The following UGT1A10 variants were observed in gnomAD, a reference collection of about 807,000 sequenced individuals.
UGT1A10 encodes the protein UDP glucuronosyltransferase family 1 member A10.
In UGT1A10, 49 loss-of-function variants were observed where a neutral mutation model predicts 45.8. That is an observed-to-expected ratio of 1.07 (90% confidence interval 0.85 to 1.36). The LOEUF (loss-of-function observed/expected upper bound fraction) is 1.36. Among genes scored for constraint, UGT1A10 ranks in the 40% most tolerant of loss-of-function variants. The probability of loss-of-function intolerance (pLI) is 0.00; values close to 1 mark genes in which losing one functional copy is unlikely to be tolerated. For missense variants in UGT1A10, 745 were observed against 668.6 expected, an observed-to-expected ratio of 1.11 and a Z score of -1.26; for synonymous variants, 284 against 249.7, an observed-to-expected ratio of 1.14 and a Z score of -1.29.
chr2:233,760,861 T>A, intron 1 of UGT1A10: 1 of 1,614,158 alleles, frequency 6.2e-7, no homozygotes, highest in Non-Finnish European at 8.5e-7. Flanking sequence ...CCCATTCTCC[T>A]ACGTGCCCAG....
chr2:233,710,692 G>A (rs976331221), intron 1 of UGT1A10, among the ~76,000 whole-genome samples: 1 of 152,100 alleles, frequency 6.6e-6, no homozygotes, highest in Non-Finnish European at 1.5e-5. Flanking sequence ...TTTACTTCTG[G>A]TGTGTGGTGT....
At chr2:233,757,935 C>T (rs12052787) in intron 1 of UGT1A10, among the ~76,000 whole-genome samples, 10,310 of 152,142 alleles carry the variant, frequency 0.068, 485 homozygotes, top group East Asian at 0.2. Flanking sequence ...CAAAGCAAGA[C>T]CATCATATTG....
At chr2:233,690,632 T>C (rs971639423) in intron 1 of UGT1A10, 1 of 1,287,656 alleles carries the variant, frequency 7.8e-7, no homozygotes, top group Non-Finnish European at 1.0e-6. Context: ...AAGTGATACC[T>C]GAGGACACCT....
intron 1 of UGT1A10, among the ~76,000 whole-genome samples, chr2:233,640,099 A>G (rs2073412468): frequency 6.6e-6 from 1 of 152,312 alleles, no homozygotes; most frequent in Non-Finnish European, 1.5e-5. Flanking sequence ...TTGCTCTAAG[A>G]TTCTGGCTAT....
At chr2:233,713,725 T>C in intron 1 of UGT1A10, 1 of 1,613,928 alleles carries the variant, frequency 6.2e-7, no homozygotes, top group Non-Finnish European at 8.5e-7. Context: ...GAGGTGTCAG[T>C]GGTGGATCTT....
rs977072941 is a variant in UGT1A10, at chr2:233,679,319, A to T, written c.855+41942A>T. 3.9e-5 allele frequency among the ~76,000 whole-genome samples: 6 copies of T among 152,242 alleles called. No homozygotes were observed. The East Asian group carries it at 1.2e-3, about 29-fold the overall frequency. On this transcript the variant is annotated intron_variant, in intron 1 of 4. Coordinates refer to ENST00000344644, the MANE Select transcript of UGT1A10 (RefSeq NM_019075.4). Reference sequence around the variant, plus strand: ...AAGCCTTGATGGAACCAATCCAGAAAACGCGTTCTTATTGTTGAGTCCTTC... The same window carrying T: ...AAGCCTTGATGGAACCAATCCAGAATACGCGTTCTTATTGTTGAGTCCTTC...
intron 1 of UGT1A10, among the ~76,000 whole-genome samples, chr2:233,667,197 T>C (rs1417183023): frequency 2.0e-5 from 3 of 152,310 alleles, no homozygotes; most frequent in East Asian, 1.9e-4. Context: ...ATAGTATTTC[T>C]AGTTCTAGAT....
intron 1 of UGT1A10, among the ~76,000 whole-genome samples, chr2:233,663,616 C>A (rs1029775665): frequency 7.2e-5 from 11 of 152,122 alleles, no homozygotes; most frequent in Admixed American, 5.9e-4. Flanking sequence ...AATCTTGTGG[C>A]TAATGCTAGT....
intron 1 of UGT1A10, among the ~76,000 whole-genome samples, chr2:233,744,672 T>G (rs778668144): frequency 6.6e-6 from 1 of 151,884 alleles, no homozygotes; most frequent in Non-Finnish European, 1.5e-5. Context: ...ATATTACACA[T>G]CACCCATGTA....
At chr2:233,712,692 T>A (rs1221158170) in intron 1 of UGT1A10, among the ~76,000 whole-genome samples, 1 of 152,126 alleles carries the variant, frequency 6.6e-6, no homozygotes, top group Non-Finnish European at 1.5e-5. Context: ...AAATGGGGGT[T>A]CACAGCCTTG....
intron 1 of UGT1A10, among the ~76,000 whole-genome samples, chr2:233,689,485 C>A (rs78706067): frequency 0.049 from 7,432 of 152,218 alleles, 277 homozygotes; most frequent in African/African-American, 0.097. Flanking sequence ...AAGAAGAAAT[C>A]GCAAATCAAT....
At chr2:233,729,228 GC>G in intron 1 of UGT1A10, 1 of 1,614,164 alleles carries the variant, frequency 6.2e-7, no homozygotes, top group African/African-American at 1.3e-5. Flanking sequence ...TGTTGGTGGT[GC>G]CCATTGATGG....
intron 1 of UGT1A10, among the ~76,000 whole-genome samples, chr2:233,714,790 A>G (rs2076412745): frequency 6.6e-6 from 1 of 152,236 alleles, no homozygotes; most frequent in Non-Finnish European, 1.5e-5. Flanking sequence ...GCCACATTTC[A>G]AGTGCTCAAT....
intron 1 of UGT1A10, among the ~76,000 whole-genome samples, chr2:233,694,572 A>G (rs1254227548): frequency 6.6e-6 from 1 of 152,230 alleles, no homozygotes; most frequent in Non-Finnish European, 1.5e-5. Flanking sequence ...TTAAATTTCA[A>G]TGTAAATATT....
intron 1 of UGT1A10, chr2:233,691,365 G>A (rs2075039933): frequency 1.0e-6 from 1 of 985,548 alleles, no homozygotes; most frequent in African/African-American, 1.7e-5. Flanking sequence ...CAATGAATTT[G>A]CATCCTGGTT....
Position 233,772,359 on chromosome 2 carries a change from C to T in UGT1A10, c.1393C>T (p.His465Tyr), listed in dbSNP as rs1559420158. 1 of 1,614,248 alleles carries T rather than the reference C, an allele frequency of 6.2e-7. No individual in the cohort carries two copies. The highest frequency in any genetic ancestry group is 8.5e-7 in the Non-Finnish European group (1 of 1,180,052). ...GTTCTGGGTGGAGTTTGTGATGAGG[C>T]ACAAGGGCGCGCCACACCTGCGCCC... ...AVFWVEFVMR[H>Y]KGAPHLRPAA... Residue 465 changes from histidine (H) to tyrosine (Y), a missense_variant, in exon 5 of 5, where the codon CAC (histidine) becomes TAC (tyrosine). His to Tyr is a moderately conservative substitution (Grantham distance 83). Coordinates refer to ENST00000344644, the MANE Select transcript of UGT1A10 (RefSeq NM_019075.4).
At chr2:233,757,535 A>AATATATATACATATACATATATACATAT (rs376887521) in intron 1 of UGT1A10, among the ~76,000 whole-genome samples, 1 of 88,312 alleles carries the variant, frequency 1.1e-5, no homozygotes, top group African/African-American at 5.0e-5. Context: ...GCCTGTAAGG[A>AATATATATACATATACATATATACATAT]ATATATATAT....
At chr2:233,752,070 A>G (rs1694888070) in intron 1 of UGT1A10, among the ~76,000 whole-genome samples, 1 of 152,244 alleles carries the variant, frequency 6.6e-6, no homozygotes, top group Non-Finnish European at 1.5e-5. Flanking sequence ...GAGATGGGGA[A>G]GTCTCTCTAC....
intron 1 of UGT1A10, among the ~76,000 whole-genome samples, chr2:233,650,959 A>G (rs1286402488): frequency 1.3e-5 from 2 of 152,192 alleles, no homozygotes; most frequent in Non-Finnish European, 2.9e-5. Context: ...GGTTCAGTAG[A>G]CTTTGTAACA....
Sources: allele counts gnomAD v4.1 joint callset (sites outside exome capture counted in the v4.1 genomes callset), GRCh38; gene constraint gnomAD v4.1.1; transcripts MANE v1.5; gene names NCBI Gene and HGNC (gene_info 2026-07-23, HGNC 2026-07-21).